Variants in TJP3 observed in about 807,000 individuals in gnomAD.
TJP3 encodes the protein tight junction protein 3.
In TJP3, 85 loss-of-function variants were observed where a neutral mutation model predicts 104.2. The observed-to-expected ratio is 0.82, with a 90% CI of 0.68 to 0.98. The LOEUF (loss-of-function observed/expected upper bound fraction) is 0.98, where lower values mean the gene tolerates loss of function less well. TJP3 is among the 50% of genes least tolerant of loss of function. The probability of loss-of-function intolerance (pLI) is 0.00; values close to 1 mark genes in which losing one functional copy is unlikely to be tolerated. For missense variants in TJP3, 1,367 were observed against 1,322.8 expected, an observed-to-expected ratio of 1.03 and a Z score of -0.52; for synonymous variants, 550 against 550.6, an observed-to-expected ratio of 1.00 and a Z score of 0.02.
Position 3,733,911 on chromosome 19 carries a change from G to T in TJP3, c.876G>T (p.Glu292Asp), listed in dbSNP as rs777048771. 6.2e-7 allele frequency: 1 copy of T among 1,613,852 alleles called. No individual in the cohort carries two copies. The highest frequency in any genetic ancestry group is 1.1e-5 in the South Asian group (1 of 91,076). ...GTGACAGCGACAGCTCGCCATTGGAGGGTGAGGACCTAGAGGTTAGGACCT... is the reference window on the plus strand; with the variant it reads ...GTGACAGCGACAGCTCGCCATTGGATGGTGAGGACCTAGAGGTTAGGACCT... ...AVSDSDSSPL[E>D]DISDLASELS... is the part of the protein sequence containing the mutation. Residue 292 changes from glutamate to aspartate, a missense_variant and splice_region_variant, in exon 7 of 21, where the codon GAG becomes GAT. Transcript: ENST00000541714.
chr19:3,746,499 C>T lies in TJP3; in HGVS notation c.2025C>T (p.Leu675=). The T allele has an allele frequency of 6.2e-7, 1 of 1,613,950 alleles. No homozygotes were observed. Among genetic ancestry groups the T allele is most frequent in the Non-Finnish European group, 8.5e-7 (1 of 1,180,010 alleles). The change falls in exon 17 of 21, where the codon CTC becomes CTT. Residue 675 remains leucine (L), a synonymous_variant. Transcript: ENST00000541714. The surrounding 1 kb of genome is among the most constrained non-coding windows in gnomAD (Gnocchi z 4.1). ...GCCTGGCCCAGGACAAGCATGCGCTCCTGGATGTGACCCCCTCCGCCATCG... is the reference window on the plus strand; with the variant it reads ...GCCTGGCCCAGGACAAGCATGCGCTTCTGGATGTGACCCCCTCCGCCATCG... ...RVIAEKDKHA[L]LDVTPSAIER...
At chr19:3,720,514 C>T (rs1013231816) in intron 1 of TJP3, among the ~76,000 whole-genome samples, 8 of 152,254 alleles carry the variant, frequency 5.3e-5, no homozygotes, top group Middle Eastern at 6.8e-3. Context: ...GACTCCTGTC[C>T]CTGCCCAGCC....
intron 11 of TJP3, 79 bp downstream of exon 11, chr19:3,736,400 C>A: frequency 7.3e-7 from 1 of 1,376,276 alleles, no homozygotes; most frequent in East Asian, 2.7e-5. Flanking sequence ...TGTTCCAGTC[C>A]TCCCCTTGGG....
Position 3,748,776 on chromosome 19 carries a change from C to A in TJP3, c.2610+695C>A, listed in dbSNP as rs1185499584. On this transcript the variant is annotated intron_variant, in intron 19 of 20. Transcript: ENST00000541714. ...ACAGACAGGGTTTCTCCATGTTGGT[C>A]AGGCTGGTCTGGAACTCCAGCCTCG... Among the ~76,000 whole-genome samples the A allele has an allele frequency of 5.4e-5, 8 of 148,976 alleles. No homozygotes were observed. The East Asian group carries it at 5.9e-4, about 11-fold the overall frequency.
intron 19 of TJP3, among the ~76,000 whole-genome samples, chr19:3,749,077 G>A (rs1172403326): frequency 6.7e-6 from 1 of 149,284 alleles, no homozygotes; most frequent in Non-Finnish European, 1.5e-5. Context: ...TCACCACGCT[G>A]GCCAGGCTGG....
At chr19:3,741,894 C>CT (rs1165954074) in intron 14 of TJP3, among the ~76,000 whole-genome samples, 1 of 151,038 alleles carries the variant, frequency 6.6e-6, no homozygotes. Context: ...CACTTGAACC[C>CT]GGGAGGCAGA....
Position 3,747,891 on chromosome 19 carries a change from A to T in TJP3, c.2420A>T (p.Tyr807Phe). Residue 807 changes from tyrosine to phenylalanine, a missense_variant, in exon 19 of 21, where the codon TAC becomes TTC. By Grantham distance (22) the Tyr-to-Phe change is conservative. Coordinates refer to ENST00000541714, the MANE Select transcript of TJP3 (RefSeq NM_001267560.2). ...TGCGACAGCCGCGTTAACAGCGACTACGAGACGGACGGCGAGGGCGGCGCG... is the reference window on the plus strand; with the variant it reads ...TGCGACAGCCGCGTTAACAGCGACTTCGAGACGGACGGCGAGGGCGGCGCG... ...LSCDSRVNSD[Y>F]ETDGEGGAYT... 1 of 1,613,236 alleles carries T rather than the reference A, an allele frequency of 6.2e-7. No homozygotes were observed. The highest frequency in any genetic ancestry group is 8.5e-7 in the Non-Finnish European group (1 of 1,179,942).
intron 12 of TJP3, 115 bp from the exon 13 acceptor site, chr19:3,738,782 C>G: frequency 7.5e-7 from 1 of 1,328,534 alleles, no homozygotes; most frequent in Admixed American, 1.9e-5. Flanking sequence ...CCATCCCTCT[C>G]CCTGGCCCCT....
chr19:3,711,005 GC>G (rs944466530), intron 1 of TJP3, among the ~76,000 whole-genome samples: 4 of 150,480 alleles, frequency 2.7e-5, no homozygotes, highest in Non-Finnish European at 4.4e-5. Context: ...CCGGGTTCAC[GC>G]CATACTCCTG....
intron 11 of TJP3, 103 bp from the exon 12 acceptor site, chr19:3,738,452 G>C: frequency 1.0e-6 from 1 of 1,002,010 alleles, no homozygotes. Context: ...CAGCAGCTCT[G>C]GAAGCAGCTG....
chr19:3,721,067 A>C (rs1044600223), intron 1 of TJP3, among the ~76,000 whole-genome samples: 1 of 151,574 alleles, frequency 6.6e-6, no homozygotes, highest in Non-Finnish European at 1.5e-5. Flanking sequence ...CGCCCGGCTA[A>C]TTTTTGTACT....
intron 8 of TJP3, 77 bp downstream of exon 8, chr19:3,734,512 C>T (rs1011825088): frequency 3.5e-5 from 47 of 1,328,930 alleles, no homozygotes; most frequent in Non-Finnish European, 4.8e-5. Context: ...GCGGGCGTAG[C>T]TTTCCAACTG....
intron 15 of TJP3, among the ~76,000 whole-genome samples, chr19:3,744,892 C>T (rs1158104977): frequency 2.6e-5 from 4 of 151,992 alleles, no homozygotes; most frequent in Admixed American, 6.6e-5. Flanking sequence ...CACGCCACTG[C>T]GCTCCAGCCT....
chr19:3,730,475 C>G lies in TJP3; in HGVS notation c.382C>G (p.Arg128Gly). ...GCGGGTGGAGGAGGTGGACCAGGGC[C>G]GGGGCTATGACGGCGACTCATCCAG... is the stretch of plus-strand genomic sequence containing the variant. Reference protein sequence around the residue: ...PQRVEEVDQGRGYDGDSSSGS... With the variant: ...PQRVEEVDQGGGYDGDSSSGS... The change falls in exon 5 of 21, where the codon CGG (arginine) becomes GGG (glycine). Residue 128 changes from arginine (R) to glycine (G), a missense_variant. By Grantham distance (125) the Arg-to-Gly change is moderately radical. Coordinates refer to ENST00000541714, the MANE Select transcript of TJP3 (RefSeq NM_001267560.2). The surrounding 1 kb of genome is among the most constrained non-coding windows in gnomAD (Gnocchi z 7.3). The G allele has an allele frequency of 6.3e-7, 1 of 1,584,122 alleles. No individual in the cohort carries two copies.
Position 3,746,167 on chromosome 19 carries a change from C to T in TJP3, c.2010+86C>T. The T allele has an allele frequency of 7.6e-7, 1 of 1,322,696 alleles. No homozygotes were observed. Among genetic ancestry groups the T allele is most frequent in the South Asian group, 1.3e-5 (1 of 78,804 alleles). The allele number at this position is 1,322,696 out of a possible 1,614,324, so 81.9% of individuals were successfully genotyped here. A position where few individuals can be genotyped will look rare whatever the true frequency, so the allele number is the denominator to read the frequency against. Reference sequence around the variant, plus strand: ...CCAACTGAATGTCCTGACCTGTTCTCAGCCCACACCCCACAAGTGCAGTCT... The same window carrying T: ...CCAACTGAATGTCCTGACCTGTTCTTAGCCCACACCCCACAAGTGCAGTCT... On this transcript the variant is annotated intron_variant, in intron 16 of 20. Coordinates refer to ENST00000541714, the MANE Select transcript of TJP3 (RefSeq NM_001267560.2). The surrounding 1 kb of genome is among the most constrained non-coding windows in gnomAD (Gnocchi z 4.1).
In TJP3 at chr19:3,735,596, A is replaced by C. The variant is rs747091772; in HGVS notation, c.1017A>C (p.Ser339=). 6.2e-7 allele frequency: 1 copy of C among 1,614,074 alleles called. No homozygotes were observed. The highest frequency in any genetic ancestry group is 1.3e-5 in the African/African-American group (1 of 74,922). Residue 339 remains serine (S), a synonymous_variant, in exon 9 of 21, where the codon TCA becomes TCC. Transcript: ENST00000541714. The part of the protein sequence containing the change: ...VESPRLRRES[S]VDSRTISEPD... Reference sequence around the variant, plus strand: ...GTCCCCGGCTTCGGCGGGAAAGTTCAGTAGATTCCAGAACCATCTCGGAAC... The same window carrying C: ...GTCCCCGGCTTCGGCGGGAAAGTTCCGTAGATTCCAGAACCATCTCGGAAC...
intron 1 of TJP3, among the ~76,000 whole-genome samples, chr19:3,710,878 G>A (rs1045425190): frequency 5.3e-5 from 8 of 152,230 alleles, no homozygotes; most frequent in African/African-American, 1.9e-4. Flanking sequence ...GGTAACATGC[G>A]TGAGAGGCGC....
rs554862128 is a variant in TJP3, at chr19:3,734,417, G to A, written c.968G>A (p.Ser323Asn). 23 of 1,609,778 alleles carry A rather than the reference G, an allele frequency of 1.4e-5. No individual in the cohort carries two copies. In the South Asian group the frequency reaches 2.3e-4, roughly 16 times the overall value. The change falls in exon 8 of 21, where the codon AGC becomes AAC. Residue 323 changes from serine (S) to asparagine (N), a missense_variant. Coordinates refer to ENST00000541714, the MANE Select transcript of TJP3 (RefSeq NM_001267560.2). ...CATGCTCAGCGGAGCCCCGAGGCCA[G>A]CCAGACCGACTCTCCCGTGTAAGTA... is the stretch of plus-strand genomic sequence containing the variant. Reference protein sequence around the residue: ...PRHAQRSPEASQTDSPVESPR... With the variant: ...PRHAQRSPEANQTDSPVESPR...
At chr19:3,736,443 T>A in intron 11 of TJP3, 122 bp downstream of exon 11, 1 of 999,772 alleles carries the variant, frequency 1.0e-6, no homozygotes, top group Non-Finnish European at 1.3e-6. Flanking sequence ...CCCAGATGGG[T>A]ATTTGAACAT....
Sources: allele counts gnomAD v4.1 joint callset (sites outside exome capture counted in the v4.1 genomes callset), GRCh38; gene constraint gnomAD v4.1.1; non-coding constraint Gnocchi (gnomAD v3.1); transcripts MANE v1.5; gene names NCBI Gene and HGNC (gene_info 2026-07-23, HGNC 2026-07-21).